The following TENM1 variants were observed in gnomAD, a reference collection of about 807,000 sequenced individuals.
The protein encoded by TENM1 is teneurin-1.
A neutral mutation model predicts 174.8 loss-of-function variants in TENM1; 35 were observed. The observed-to-expected ratio is 0.20, with a 90% CI of 0.15 to 0.27. The LOEUF (loss-of-function observed/expected upper bound fraction) is 0.27. Ranked by LOEUF, TENM1 falls within the 10% of genes least tolerant of loss-of-function variation. TENM1 has a pLI of 1.00. For missense variants in TENM1, 1,633 were observed against 2,130.1 expected (o/e 0.77, Z 4.59); for synonymous variants, 781 against 798.7 (o/e 0.98, Z 0.37).
chrX:124,738,044 G>A (rs1020757801), intron 3 of TENM1, among the ~76,000 whole-genome samples: 9 of 111,943 alleles, frequency 8.0e-5, no homozygotes, highest in Admixed American at 6.6e-4. Context: ...CGTAAAGACA[G>A]TGAGTTAGAA....
At chrX:124,463,875 GTGGAGA>G (rs763837891) in intron 22 of TENM1, among the ~76,000 whole-genome samples, 1 of 103,605 alleles carries the variant, frequency 9.7e-6, no homozygotes, top group Non-Finnish European at 2.0e-5. Flanking sequence ...GTGTGTGTGT[GTGGAGA>G]GAGAGAGAGA....
chrX:125,027,626 T>G, the TENM1 span, among the ~76,000 whole-genome samples: 2 of 101,402 alleles, frequency 2.0e-5, no homozygotes, highest in Non-Finnish European at 2.0e-5. Flanking sequence ...TTTTTTTTTT[T>G]TTTTTTGAGA....
At chrX:125,166,308 C>A in the TENM1 span, among the ~76,000 whole-genome samples, 1 of 111,171 alleles carries the variant, frequency 9.0e-6, no homozygotes, top group Admixed American at 9.6e-5. Flanking sequence ...ACTCCTCTGT[C>A]CATTGTTCTC....
In TENM1 at chrX:124,501,614, G is replaced by GT. The variant is rs1325938490; in HGVS notation, c.3445+1945dup. Among the ~76,000 whole-genome samples the GT allele has an allele frequency of 6.3e-5, 7 of 111,739 alleles. No individual in the cohort carries two copies. The East Asian group carries it at 1.7e-3, about 27-fold the overall frequency. ...AAAAGCAGGATGCCTAAAGAGTTAC[G>GT]TTTTTTTCCAGAGAGAAGCAGAGTG... On this transcript the variant is annotated intron_variant, in intron 19 of 31. Coordinates refer to ENST00000422452, the Ensembl canonical transcript of TENM1.
intron 23 of TENM1, among the ~76,000 whole-genome samples, chrX:124,451,132 A>G (rs2061030955): frequency 8.9e-6 from 1 of 111,805 alleles, no homozygotes; most frequent in South Asian, 3.7e-4. Flanking sequence ...TCTGCAGACT[A>G]AAAAAGTCAG....
At chrX:124,695,395 G>C (rs755548974) in intron 5 of TENM1, among the ~76,000 whole-genome samples, 1 of 111,208 alleles carries the variant, frequency 9.0e-6, no homozygotes, top group South Asian at 3.8e-4. Context: ...TTCAGGTTTT[G>C]TTAGGAAGTA....
intron 1 of TENM1, among the ~76,000 whole-genome samples, chrX:124,945,265 G>A (rs192782934): frequency 9.0e-6 from 1 of 111,527 alleles, no homozygotes; most frequent in African/African-American, 3.2e-5. Context: ...GGTTGTAACA[G>A]AATGGTTGAG....
At chrX:124,396,085 G>T (rs892331296) in intron 27 of TENM1, among the ~76,000 whole-genome samples, 3 of 111,398 alleles carry the variant, frequency 2.7e-5, no homozygotes, top group Non-Finnish European at 3.8e-5. Context: ...GACGTCTGCC[G>T]CTGTGCTTCT....
intron 5 of TENM1, among the ~76,000 whole-genome samples, chrX:124,686,581 T>A (rs2052370458): frequency 8.9e-6 from 1 of 111,897 alleles, no homozygotes; most frequent in Non-Finnish European, 1.9e-5. Context: ...CACGATCAAG[T>A]CAGTTTCATC....
At chrX:125,015,280 C>T in the TENM1 span, among the ~76,000 whole-genome samples, 14 of 111,380 alleles carry the variant, frequency 1.3e-4, no homozygotes, top group African/African-American at 4.6e-4. Flanking sequence ...TGAAATGTAA[C>T]TGGGCATCCT....
chrX:125,187,620 T>G, the TENM1 span, among the ~76,000 whole-genome samples: 2 of 111,744 alleles, frequency 1.8e-5, no homozygotes, highest in African/African-American at 3.3e-5. Flanking sequence ...ATGTATATCT[T>G]TAATTTGCTG....
the TENM1 span, among the ~76,000 whole-genome samples, chrX:125,062,541 C>A: frequency 8.9e-6 from 1 of 111,858 alleles, no homozygotes; most frequent in Non-Finnish European, 1.9e-5. Flanking sequence ...TTGTTAAAGT[C>A]ACTGTTGTAA....
chrX:125,118,810 G>A, the TENM1 span, among the ~76,000 whole-genome samples: 1 of 111,928 alleles, frequency 8.9e-6, no homozygotes, highest in Non-Finnish European at 1.9e-5. Flanking sequence ...TGTTCTGAGT[G>A]TTAAGAACTC....
intron 5 of TENM1, among the ~76,000 whole-genome samples, chrX:124,701,532 C>T (rs2052775188): frequency 8.9e-6 from 1 of 112,055 alleles, no homozygotes; most frequent in Admixed American, 9.5e-5. Context: ...TTTGTAAATT[C>T]AAGCAAATGT....
chrX:125,015,170 T>C, the TENM1 span, among the ~76,000 whole-genome samples: 33 of 111,201 alleles, frequency 3.0e-4, no homozygotes, highest in Non-Finnish European at 4.2e-4. Context: ...CATCCTTGGG[T>C]GTTTAGGCAT....
chrX:124,538,303 A>G (rs1170839484), intron 15 of TENM1, among the ~76,000 whole-genome samples: 3 of 111,857 alleles, frequency 2.7e-5, no homozygotes, highest in African/African-American at 6.5e-5. Flanking sequence ...CAATTAGGAC[A>G]ACAACTTCAG....
intron 3 of TENM1, among the ~76,000 whole-genome samples, chrX:124,855,018 G>T (rs2147413264): frequency 9.0e-6 from 1 of 111,369 alleles, no homozygotes; most frequent in East Asian, 2.8e-4. Flanking sequence ...ATCCTCTAAA[G>T]AAAACAAAAT....
At chrX:124,886,552 G>T (rs769200528) in intron 3 of TENM1, among the ~76,000 whole-genome samples, 598 of 91,790 alleles carry the variant, frequency 6.5e-3, no homozygotes, top group Non-Finnish European at 7.5e-3. Flanking sequence ...TATATATAGA[G>T]AGAGAGAGAG....
intron 3 of TENM1, among the ~76,000 whole-genome samples, chrX:124,750,000 C>T (rs1386637706): frequency 9.0e-6 from 1 of 111,598 alleles, no homozygotes; most frequent in African/African-American, 3.3e-5. Context: ...GTAATTATTT[C>T]CAGTATGAAT....
Sources: allele counts gnomAD v4.1 joint callset (sites outside exome capture counted in the v4.1 genomes callset), GRCh38; gene constraint gnomAD v4.1.1; transcripts MANE v1.5; gene names NCBI Gene and HGNC (gene_info 2026-07-23, HGNC 2026-07-21).